ZNF367: variants seen among roughly 807,000 people sequenced by gnomAD.
ZNF367 encodes C2H2 zinc finger protein ZFF29.
Under a neutral mutation model 31.8 loss-of-function variants are expected in ZNF367, and 11 were observed. The ratio of observed to expected loss-of-function variants is 0.35; its 90% CI spans 0.22 to 0.57. ZNF367 has a LOEUF of 0.57. Ranked by LOEUF, ZNF367 falls within the 20% of genes least tolerant of loss-of-function variation. The pLI is 0.85. For synonymous variants in ZNF367, 199 were observed against 202.4 expected, an observed-to-expected ratio of 0.98 and a Z score of 0.14; for missense variants, 353 against 484.1, an observed-to-expected ratio of 0.73 and a Z score of 2.54.
intron 1 of ZNF367, among the ~76,000 whole-genome samples, chr9:96,412,621 TGCACTTTTATAAA>T (rs1261850884): frequency 1.3e-5 from 2 of 152,138 alleles, no homozygotes; most frequent in African/African-American, 2.4e-5. Context: ...TTGAATTGAG[TGCACTTTTATAAA>T]GCATCTCAAT....
intron 1 of ZNF367, among the ~76,000 whole-genome samples, chr9:96,401,786 C>G (rs922129622): frequency 2.0e-5 from 3 of 151,864 alleles, no homozygotes; most frequent in African/African-American, 7.3e-5. Flanking sequence ...CAAGATTGCG[C>G]CCCTGCACTC....
At chr9:96,414,934 C>G (rs1296004221) in intron 1 of ZNF367, among the ~76,000 whole-genome samples, 1 of 152,008 alleles carries the variant, frequency 6.6e-6, no homozygotes, top group Non-Finnish European at 1.5e-5. Context: ...AAATCTTACA[C>G]AAGAACTTAT....
chr9:96,415,598 A>T (rs1220071720), intron 1 of ZNF367, among the ~76,000 whole-genome samples: 2 of 135,478 alleles, frequency 1.5e-5, no homozygotes, highest in African/African-American at 5.7e-5. Context: ...CCCGAGTTCT[A>T]CCAATTCTCC....
intron 2 of ZNF367, among the ~76,000 whole-genome samples, chr9:96,397,278 G>A (rs1372090015): frequency 6.6e-6 from 1 of 151,494 alleles, no homozygotes; most frequent in Admixed American, 6.6e-5. Flanking sequence ...TCCTTCCTTT[G>A]GGGCCAACTT....
At chr9:96,397,005 T>A (rs1295885344) in intron 2 of ZNF367, among the ~76,000 whole-genome samples, 4 of 152,184 alleles carry the variant, frequency 2.6e-5, no homozygotes, top group Admixed American at 2.6e-4. Context: ...TTTAATCCAA[T>A]TTATCTAAAA....
At chr9:96,411,014 T>C (rs1275493208) in intron 1 of ZNF367, among the ~76,000 whole-genome samples, 1 of 147,384 alleles carries the variant, frequency 6.8e-6, no homozygotes, top group Non-Finnish European at 1.5e-5. Context: ...CTGGACAACA[T>C]AGTGTGACTC....
At chr9:96,397,317 T>C (rs1377547425) in intron 2 of ZNF367, among the ~76,000 whole-genome samples, 6 of 149,216 alleles carry the variant, frequency 4.0e-5, no homozygotes, top group African/African-American at 9.8e-5. Flanking sequence ...CCTCTATACT[T>C]TTTTTTTTTG....
Position 96,386,310 on chromosome 9 carries a change from T to C in ZNF367, c.*1927A>G, listed in dbSNP as rs1831409028. 2 of 152,300 alleles carry C rather than the reference T, an allele frequency of 1.3e-5. No individual in the cohort carries two copies. Among genetic ancestry groups the C allele is most frequent in the South Asian group, 4.1e-4 (2 of 4,830 alleles). 9.4% of individuals were successfully genotyped at this position (152,300 alleles called of 1,614,324 possible). The stretch of plus-strand genomic sequence containing the variant: ...CCTTACTTTTGAAGGCCTTAAATGT[T>C]ATCATCTGTGAATTGGCAAATATTT... On this transcript the variant is annotated 3_prime_UTR_variant, in exon 5 of 5. Transcript: ENST00000375256.
intron 4 of ZNF367, 134 bp from the exon 5 acceptor site, chr9:96,388,593 A>G: frequency 1.2e-6 from 1 of 861,128 alleles, no homozygotes; most frequent in Non-Finnish European, 1.7e-6. Context: ...GTGATTTAAC[A>G]TAAATTTCCT....
At chr9:96,398,363 A>C in intron 1 of ZNF367, 49 bp from the exon 2 acceptor site, 1 of 1,521,066 alleles carries the variant, frequency 6.6e-7, no homozygotes, top group African/African-American at 1.4e-5. Context: ...AACGCTACTC[A>C]TTAAAGCAAC....
intron 1 of ZNF367, among the ~76,000 whole-genome samples, chr9:96,415,914 T>C (rs1405040703): frequency 6.6e-6 from 1 of 151,942 alleles, no homozygotes; most frequent in Admixed American, 6.6e-5. Flanking sequence ...GTGATCCTCC[T>C]GCCTCAGCCT....
intron 1 of ZNF367, among the ~76,000 whole-genome samples, chr9:96,409,685 A>G (rs750798401): frequency 6.6e-5 from 10 of 152,350 alleles, no homozygotes; most frequent in Middle Eastern, 6.8e-3. Context: ...GTGGTCATCA[A>G]ATTCTTTCAT....
Position 96,417,872 on chromosome 9 carries a change from G to T in ZNF367, c.161C>A (p.Pro54Gln). Residue 54 changes from proline (P) to glutamine (Q), a missense_variant, in exon 1 of 5, where the codon CCG becomes CAG. Around this residue, in one of 5 missense-constraint regions of ZNF367, gnomAD observed 94 missense variants for 86.7 expected, o/e 1.08. Transcript: ENST00000375256. This position sits in a 1 kb window ranked among gnomAD's most constrained non-coding sequence, Gnocchi z 5.0. ...CGGGGEPEPP[P>Q]PLIPTSPGFS... ...GCCGGGGCTGGTGGGGATGAGCGGC[G>T]GCGGCGGCTCCGGCTCCCCTCCACC... The T allele has an allele frequency of 6.6e-7, 1 of 1,516,888 alleles. No individual in the cohort carries two copies. The highest frequency in any genetic ancestry group is 2.2e-5 in the Admixed American group (1 of 45,460). The allele number at this position is 1,516,888 out of a possible 1,614,324, so 94.0% of individuals were successfully genotyped here. A position where few individuals can be genotyped will look rare whatever the true frequency, so the allele number is the denominator to read the frequency against.
chr9:96,416,447 C>T (rs1031267881), intron 1 of ZNF367, among the ~76,000 whole-genome samples: 1 of 152,156 alleles, frequency 6.6e-6, no homozygotes, highest in Non-Finnish European at 1.5e-5. Flanking sequence ...TGTATAAAAA[C>T]CTATAGTTTT....
rs1227464800 is a variant in ZNF367, at chr9:96,418,296, G to A, written c.-264C>T. ...CTGCAGGGGTGGGAAGCAGCGGGCG[G>A]CCCGGCCCTTGCGGTGACAGGAAAG... On this transcript the variant is annotated 5_prime_UTR_variant, in exon 1 of 5. Transcript: ENST00000375256. The A allele has an allele frequency of 4.7e-6, 2 of 429,882 alleles. No homozygotes were observed. Among genetic ancestry groups the A allele is most frequent in the Non-Finnish European group, 7.8e-6 (2 of 257,756 alleles). 26.6% of individuals were successfully genotyped at this position (429,882 alleles called of 1,614,324 possible).
chr9:96,393,337 A>G (rs982447408), intron 3 of ZNF367, among the ~76,000 whole-genome samples: 1 of 152,128 alleles, frequency 6.6e-6, no homozygotes, highest in Non-Finnish European at 1.5e-5. Context: ...CAGCCTGGCC[A>G]ACATGGTCCC....
At chr9:96,414,447 G>A (rs1420435118) in intron 1 of ZNF367, among the ~76,000 whole-genome samples, 2 of 152,122 alleles carry the variant, frequency 1.3e-5, no homozygotes, top group African/African-American at 4.8e-5. Context: ...GAGGTGTACA[G>A]CATGGAAATA....
rs1227972971 is a variant in ZNF367, at chr9:96,386,808, T to C, written c.*1429A>G. The C allele has an allele frequency of 6.6e-6, 1 of 152,190 alleles. No homozygotes were observed. Among genetic ancestry groups the C allele is most frequent in the Admixed American group, 6.5e-5 (1 of 15,272 alleles). 9.4% of individuals were successfully genotyped at this position (152,190 alleles called of 1,614,324 possible). A position where few individuals can be genotyped will look rare whatever the true frequency, so the allele number is the denominator to read the frequency against. On this transcript the variant is annotated 3_prime_UTR_variant, in exon 5 of 5. Coordinates refer to ENST00000375256, the MANE Select transcript of ZNF367 (RefSeq NM_153695.4). ...ATTGGGATTTTTGGATAAAGAAGCC[T>C]ACTTTGTAATGTTTAAACTACATCT...
intron 1 of ZNF367, among the ~76,000 whole-genome samples, chr9:96,402,635 T>A (rs1831622027): frequency 7.3e-6 from 1 of 137,474 alleles, no homozygotes. Context: ...TTTTTTTTTT[T>A]TTTTTTTTTT....
Sources: gnomAD v4.1 joint callset for allele counts (sites outside exome capture counted in the v4.1 genomes callset) on GRCh38, gnomAD v4.1.1 for gene constraint, gnomAD v4.1.1 regional missense constraint, Gnocchi (gnomAD v3.1) non-coding constraint, MANE v1.5 for transcripts, NCBI Gene and HGNC (gene_info 2026-07-23, HGNC 2026-07-21) for gene names.